Variants in SOCS6 observed in about 807,000 individuals in gnomAD.
The protein encoded by SOCS6 is STAT induced STAT inhibitor-4.
Under a neutral mutation model 27.7 loss-of-function variants are expected in SOCS6, and 5 were observed. That is an observed-to-expected ratio of 0.18 (90% CI 0.09 to 0.38). The LOEUF is 0.38. Among genes scored for constraint, SOCS6 ranks in the 10% least tolerant of loss-of-function variants. The pLI is 1.00. For missense variants in SOCS6, 595 were observed against 688.1 expected (o/e 0.86, Z 1.51); for synonymous variants, 271 against 260.0 (o/e 1.04, Z -0.41).
intron 1 of SOCS6, among the ~76,000 whole-genome samples, chr18:70,306,908 C>T (rs2062371946): frequency 6.6e-6 from 1 of 152,118 alleles, no homozygotes; most frequent in Non-Finnish European, 1.5e-5. Context: ...GGATAAATCT[C>T]ATTTGGTCAA....
At chr18:70,291,309 C>T (rs1238804108) in intron 1 of SOCS6, among the ~76,000 whole-genome samples, 1 of 151,926 alleles carries the variant, frequency 6.6e-6, no homozygotes, top group African/African-American at 2.4e-5. Context: ...GCTGTGTTGC[C>T]GAGGCTGGTC....
Position 70,329,399 on chromosome 18 carries a change from A to G in SOCS6, c.*3123A>G, listed in dbSNP as rs563050728. The G allele has an allele frequency of 6.0e-6, 1 of 167,212 alleles. No homozygotes were observed. Among genetic ancestry groups the G allele is most frequent in the African/African-American group, 2.4e-5 (1 of 41,588 alleles). The allele number at this position is 167,212 out of a possible 1,614,324, so 10.4% of individuals were successfully genotyped here. On this transcript the variant is annotated 3_prime_UTR_variant, in exon 2 of 2. Transcript: ENST00000397942. ...TATGCGTTGTAATTCTTGAGCCAGT[A>G]TTACTGAAACAGGATAAAAGTTATA...
chr18:70,321,662 A>G (rs1342265852), intron 1 of SOCS6, among the ~76,000 whole-genome samples: 1 of 151,868 alleles, frequency 6.6e-6, no homozygotes, highest in Non-Finnish European at 1.5e-5. Context: ...GGTACATTTC[A>G]AGAGATGCAA....
intron 1 of SOCS6, among the ~76,000 whole-genome samples, chr18:70,289,607 C>T (rs1347270912): frequency 6.8e-6 from 1 of 147,584 alleles, no homozygotes; most frequent in African/African-American, 2.4e-5. Flanking sequence ...GGCTCGGGCT[C>T]GGGGTCGGGG....
rs369682234 is a variant in SOCS6, at chr18:70,317,554, T to TACACAC, written c.-126-6966_-126-6961dup. On this transcript the variant is annotated intron_variant, in intron 1 of 1. Transcript: ENST00000397942. ...TATATATACACACTTCATATATACA[T>TACACAC]ACACACACACACACACACACACACA... is the stretch of plus-strand genomic sequence containing the variant. Among the ~76,000 whole-genome samples, 1,070 of 139,054 alleles carry TACACAC rather than the reference T, an allele frequency of 7.7e-3. 3 individuals carry two copies. The highest frequency in any genetic ancestry group is 0.029 in the Middle Eastern group (8 of 272). The allele number at this position is 139,054 out of a possible 152,430, so 91.2% of individuals were successfully genotyped here.
At chr18:70,296,256 G>T (rs955313991) in intron 1 of SOCS6, among the ~76,000 whole-genome samples, 2 of 152,158 alleles carry the variant, frequency 1.3e-5, no homozygotes, top group Non-Finnish European at 2.9e-5. Flanking sequence ...GCCTGGCTGT[G>T]TATAAAATTT....
At chr18:70,316,250 ATTT>A (rs987973298) in intron 1 of SOCS6, among the ~76,000 whole-genome samples, 1 of 151,424 alleles carries the variant, frequency 6.6e-6, no homozygotes, top group African/African-American at 2.4e-5. Flanking sequence ...AATTTAATTA[ATTT>A]TTTTTTGTTT....
chr18:70,300,210 T>A (rs1568597461), intron 1 of SOCS6, among the ~76,000 whole-genome samples: 1 of 152,100 alleles, frequency 6.6e-6, no homozygotes, highest in Non-Finnish European at 1.5e-5. Flanking sequence ...CACTGCAACC[T>A]CTGTCTCCTG....
rs762883593 is a variant in SOCS6 at position 70,325,817 on chromosome 18, A to T, written c.1149A>T (p.Gly383=). The change falls in exon 2 of 2, where the codon GGA becomes GGT. Residue 383 remains glycine, a synonymous_variant. Coordinates refer to ENST00000397942, the MANE Select transcript of SOCS6 (RefSeq NM_004232.4). This position sits in a 1 kb window ranked among gnomAD's most constrained non-coding sequence, Gnocchi z 6.3. ...AGCTGAAAAAACTTGCAAAGCAAGG[A>T]TGGTACTGGGGACCAATCACACGTT... ...TEELKKLAKQ[G]WYWGPITRWE... is the part of the protein sequence containing the mutation. The T allele has an allele frequency of 6.2e-7, 1 of 1,614,238 alleles. No individual in the cohort carries two copies.
intron 1 of SOCS6, among the ~76,000 whole-genome samples, chr18:70,303,594 C>T (rs2146270601): frequency 6.6e-6 from 1 of 152,218 alleles, no homozygotes; most frequent in East Asian, 1.9e-4. Flanking sequence ...AGGAGTTTGA[C>T]ACCAGCCTGG....
chr18:70,325,302 G>C lies in SOCS6; in HGVS notation c.634G>C (p.Val212Leu), dbSNP rs202145848. Residue 212 changes from valine (V) to leucine (L), a missense_variant, in exon 2 of 2, where the codon GTT becomes CTT. Physicochemically the swap from Val to Leu is conservative, Grantham distance 32. Transcript: ENST00000397942. This position sits in a 1 kb window ranked among gnomAD's most constrained non-coding sequence, Gnocchi z 6.3. ...HLHLDEHVPV[V>L]IGLMPQDYIQ... ...TCACCTGGATGAACATGTGCCTGTC[G>C]TTATTGGACTTATGCCTCAGGACTA... The C allele has an allele frequency of 1.6e-5, 26 of 1,614,200 alleles. No homozygotes were observed. The highest frequency in any genetic ancestry group is 2.2e-5 in the Non-Finnish European group (26 of 1,180,032).
chr18:70,304,341 T>C (rs2062360400), intron 1 of SOCS6, among the ~76,000 whole-genome samples: 1 of 152,112 alleles, frequency 6.6e-6, no homozygotes, highest in South Asian at 2.1e-4. Flanking sequence ...TCTCTATATT[T>C]AGCCACACAC....
intron 1 of SOCS6, among the ~76,000 whole-genome samples, chr18:70,296,906 C>CTTT (rs375704179): frequency 3.1e-5 from 4 of 129,158 alleles, no homozygotes; most frequent in Non-Finnish European, 3.1e-5. Flanking sequence ...CATTTTCTTT[C>CTTT]TTTTTTTTTT....
intron 1 of SOCS6, among the ~76,000 whole-genome samples, chr18:70,303,094 C>A (rs534938787): frequency 1.3e-5 from 2 of 152,304 alleles, no homozygotes; most frequent in South Asian, 4.1e-4. Flanking sequence ...TACAAAAGTT[C>A]TGCCATCCAG....
Position 70,328,048 on chromosome 18 carries a change from A to G in SOCS6, c.*1772A>G, listed in dbSNP as rs939520461. 2 of 166,744 alleles carry G rather than the reference A, an allele frequency of 1.2e-5. No individual in the cohort carries two copies. Among genetic ancestry groups the G allele is most frequent in the Non-Finnish European group, 2.9e-5 (2 of 68,064 alleles). 10.3% of individuals were successfully genotyped at this position (166,744 alleles called of 1,614,324 possible). On this transcript the variant is annotated 3_prime_UTR_variant, in exon 2 of 2. Coordinates refer to ENST00000397942, the MANE Select transcript of SOCS6 (RefSeq NM_004232.4). ...ATGTTGATTGTACCTTGTTAAAAAG[A>G]CTCTCATTTTCTCATATGTTTTCTC...
intron 1 of SOCS6, among the ~76,000 whole-genome samples, chr18:70,297,295 C>T (rs1485117451): frequency 1.3e-5 from 2 of 151,772 alleles, no homozygotes; most frequent in Non-Finnish European, 2.9e-5. Flanking sequence ...TTCTTCGTTC[C>T]TGTGTTTTTG....
rs1440301510 is a variant in SOCS6, at chr18:70,326,101, C to T, written c.1433C>T (p.Pro478Leu). The T allele has an allele frequency of 6.2e-7, 1 of 1,614,222 alleles. No individual in the cohort carries two copies. Among genetic ancestry groups the T allele is most frequent in the Non-Finnish European group, 8.5e-7 (1 of 1,180,040 alleles). Reference protein sequence around the residue: ...GAFCYSRSRLPGSATYPVRLT... With the variant: ...GAFCYSRSRLLGSATYPVRLT... Reference sequence around the variant, plus strand: ...TTTTGTTATTCAAGGTCTCGGCTGCCTGGATCTGCAACTTACCCCGTCAGA... The same window carrying T: ...TTTTGTTATTCAAGGTCTCGGCTGCTTGGATCTGCAACTTACCCCGTCAGA... The change falls in exon 2 of 2, where the codon CCT becomes CTT. Residue 478 changes from proline to leucine, a missense_variant. Pro to Leu is a moderately conservative substitution (Grantham distance 98, BLOSUM62 -3). Coordinates refer to ENST00000397942, the MANE Select transcript of SOCS6 (RefSeq NM_004232.4).
chr18:70,329,120 A>AT lies in SOCS6; in HGVS notation c.*2849dup, dbSNP rs1911319919. On this transcript the variant is annotated 3_prime_UTR_variant, in exon 2 of 2. Transcript: ENST00000397942. ...TAGGCTTACTATAACACTATTATGC[A>AT]TTTTTATAAATAAGAAGAAGGCTGT... is the stretch of plus-strand genomic sequence containing the variant. The AT allele has an allele frequency of 6.0e-6, 1 of 167,108 alleles. No homozygotes were observed. Among genetic ancestry groups the AT allele is most frequent in the South Asian group, 2.1e-4 (1 of 4,836 alleles). The allele number at this position is 167,108 out of a possible 1,614,324, so 10.4% of individuals were successfully genotyped here.
intron 1 of SOCS6, among the ~76,000 whole-genome samples, chr18:70,324,302 A>AAATAATAATAATAAT (rs560395562): frequency 1.4e-3 from 203 of 150,290 alleles, no homozygotes; most frequent in African/African-American, 4.4e-3. Context: ...ACTCATCTCA[A>AAATAATAATAATAAT]AATAATAATA....
Sources: gnomAD v4.1 joint callset for allele counts (sites outside exome capture counted in the v4.1 genomes callset) on GRCh38, gnomAD v4.1.1 for gene constraint, Gnocchi (gnomAD v3.1) non-coding constraint, MANE v1.5 for transcripts, NCBI Gene and HGNC (gene_info 2026-07-23, HGNC 2026-07-21) for gene names.